Variants in RPA1 observed in about 807,000 individuals in gnomAD.
RPA1 encodes the protein replication protein A 70 kDa DNA-binding subunit.
A neutral mutation model predicts 83.0 loss-of-function variants in RPA1; 49 were observed. That is an observed-to-expected ratio of 0.59 (90% confidence interval 0.47 to 0.75). RPA1 has a LOEUF of 0.75. Ranked by LOEUF, RPA1 falls within the 30% of genes least tolerant of loss-of-function variation. RPA1 has a pLI of 0.00. For missense variants in RPA1, 693 were observed against 776.1 expected (o/e 0.89, Z 1.27); for synonymous variants, 279 against 281.8 (o/e 0.99, Z 0.10).
intron 5 of RPA1, among the ~76,000 whole-genome samples, 199 bp downstream of exon 5, chr17:1,853,388 A>G (rs1447640100): frequency 1.3e-5 from 2 of 152,226 alleles, no homozygotes; most frequent in South Asian, 2.1e-4. Context: ...TTAGAAAGCA[A>G]TGGACAAACG....
intron 4 of RPA1, among the ~76,000 whole-genome samples, chr17:1,847,686 T>C (rs984263583): frequency 1.3e-5 from 2 of 152,154 alleles, no homozygotes; most frequent in Non-Finnish European, 2.9e-5. Flanking sequence ...TCAACGGACA[T>C]CTGTGGAAAG....
intron 5 of RPA1, among the ~76,000 whole-genome samples, chr17:1,853,950 G>A (rs898886714): frequency 1.3e-5 from 2 of 152,178 alleles, no homozygotes; most frequent in Non-Finnish European, 2.9e-5. Flanking sequence ...TAGAGATCAT[G>A]TTTGTTCTAG....
intron 4 of RPA1, among the ~76,000 whole-genome samples, chr17:1,849,756 G>A (rs11078671): frequency 4.6e-5 from 7 of 151,688 alleles, no homozygotes; most frequent in South Asian, 2.1e-4. Flanking sequence ...GTGGAAAAAC[G>A]CGCAGTTTAC....
chr17:1,879,125 G>C, intron 9 of RPA1, 64 bp downstream of exon 9: 1 of 1,611,140 alleles, frequency 6.2e-7, no homozygotes, highest in Non-Finnish European at 8.5e-7. Flanking sequence ...AAAAGACGCT[G>C]GCCCAGGGGA....
intron 5 of RPA1, 147 bp from the exon 6 acceptor site, chr17:1,872,287 T>C (rs1913401536): frequency 8.1e-7 from 1 of 1,241,306 alleles, no homozygotes; most frequent in African/African-American, 1.5e-5. Flanking sequence ...CCGAGTGCCA[T>C]GGAATGCCTC....
chr17:1,878,605 A>G lies in RPA1; in HGVS notation c.691-388A>G, dbSNP rs117716819. Among the ~76,000 whole-genome samples the G allele has an allele frequency of 3.5e-4, 53 of 152,300 alleles. No individual in the cohort carries two copies. The East Asian group carries it at 0.01, about 29-fold the overall frequency. On this transcript the variant is annotated intron_variant, in intron 8 of 16. Coordinates refer to ENST00000254719, the MANE Select transcript of RPA1 (RefSeq NM_002945.5). The stretch of plus-strand genomic sequence containing the variant: ...AGGGCACTGTGGAGGGAGCCGGTGA[A>G]TCACCCCGTGGCAGCACCTTCCTCG...
intron 15 of RPA1, among the ~76,000 whole-genome samples, chr17:1,894,778 C>T (rs1166867335): frequency 6.6e-6 from 1 of 152,140 alleles, no homozygotes; most frequent in Admixed American, 6.5e-5. Flanking sequence ...CCCTCTTCTC[C>T]CTGGCCCTGA....
intron 4 of RPA1, among the ~76,000 whole-genome samples, chr17:1,851,774 G>C (rs906597814): frequency 6.6e-5 from 10 of 152,162 alleles, no homozygotes; most frequent in African/African-American, 2.4e-4. Flanking sequence ...AGTTATTACA[G>C]GGAATCTAGA....
At chr17:1,852,533 CCAGAGGG>C (rs755705681) in intron 4 of RPA1, among the ~76,000 whole-genome samples, 15 of 152,080 alleles carry the variant, frequency 9.9e-5, no homozygotes, top group Admixed American at 3.9e-4. Flanking sequence ...AACAGGAAGG[CCAGAGGG>C]CAGAGGGCAG....
chr17:1,847,147 T>C (rs1050232796), intron 4 of RPA1, among the ~76,000 whole-genome samples: 24 of 152,222 alleles, frequency 1.6e-4, no homozygotes, highest in African/African-American at 5.5e-4. Context: ...TTGTGTATTG[T>C]ATTGTTGCTT....
In RPA1 at chr17:1,872,438, C is replaced by G. The variant is rs543889382; in HGVS notation, c.366C>G (p.Leu122=). 1 of 1,613,740 alleles carries G rather than the reference C, an allele frequency of 6.2e-7. No individual in the cohort carries two copies. The highest frequency in any genetic ancestry group is 1.7e-5 in the Admixed American group (1 of 59,978). The change falls in exon 6 of 17, where the codon CTC becomes CTG. Residue 122 remains leucine (L), a synonymous_variant. Coordinates refer to ENST00000254719, the MANE Select transcript of RPA1 (RefSeq NM_002945.5). ...GGTTTCCCTTTTGATCTTCAGGACT[C>G]GGGCAGCCGCAAGTAGCTCCTCCAG... ...IGNPVPYNEG[L]GQPQVAPPAP...
intron 1 of RPA1, 125 bp downstream of exon 1, chr17:1,830,251 G>T: frequency 1.5e-6 from 1 of 660,474 alleles, no homozygotes; most frequent in Non-Finnish European, 2.1e-6. Context: ...AGATGGCGGG[G>T]GGCGGTGGGG....
At position 1,830,068 on chromosome 17, in the gene RPA1, C is replaced by T. The variant is rs1387855267; in HGVS notation, c.-26C>T. ...GGGAAGCTGGAGCTGTTGCGGGGTC[C>T]GCGGGGAAGTCTTGGCGGTGGAGCC... On this transcript the variant is annotated 5_prime_UTR_variant, in exon 1 of 17. Transcript: ENST00000254719. The T allele has an allele frequency of 7.2e-6, 9 of 1,249,226 alleles. No homozygotes were observed. Among genetic ancestry groups the T allele is most frequent in the Middle Eastern group, 2.1e-4 (1 of 4,794 alleles). The allele number at this position is 1,249,226 out of a possible 1,614,324, so 77.4% of individuals were successfully genotyped here. A position where few individuals can be genotyped will look rare whatever the true frequency, so the allele number is the denominator to read the frequency against.
Position 1,853,007 on chromosome 17 carries a change from C to T in RPA1, c.273-94C>T. The T allele has an allele frequency of 4.4e-6, 4 of 902,818 alleles. No homozygotes were observed. In the South Asian group the frequency reaches 5.7e-5, roughly 13 times the overall value. The allele number at this position is 902,818 out of a possible 1,614,324, so 55.9% of individuals were successfully genotyped here. A position where few individuals can be genotyped will look rare whatever the true frequency, so the allele number is the denominator to read the frequency against. ...AACAGATGACAAATGGAAAATAGTT[C>T]ATCACAATGATCATCGGGGAAAGCA... On this transcript the variant is annotated intron_variant, in intron 4 of 16. Coordinates refer to ENST00000254719, the MANE Select transcript of RPA1 (RefSeq NM_002945.5).
intron 5 of RPA1, among the ~76,000 whole-genome samples, chr17:1,866,783 A>T (rs1913192949): frequency 6.6e-6 from 1 of 152,212 alleles, no homozygotes; most frequent in Non-Finnish European, 1.5e-5. Context: ...TTTACACTGA[A>T]ATTATTCATG....
intron 1 of RPA1, among the ~76,000 whole-genome samples, chr17:1,840,724 G>A (rs938682995): frequency 8.5e-5 from 13 of 152,102 alleles, no homozygotes; most frequent in African/African-American, 7.2e-5. Context: ...GGTAGTTTTC[G>A]GTGTGCAGTT....
intron 13 of RPA1, among the ~76,000 whole-genome samples, chr17:1,887,277 G>A (rs751918511): frequency 6.6e-6 from 1 of 152,112 alleles, no homozygotes; most frequent in Non-Finnish European, 1.5e-5. Flanking sequence ...ATCACTGTAG[G>A]CCAGGCGCGG....
chr17:1,851,561 G>T (rs1281747906), intron 4 of RPA1, among the ~76,000 whole-genome samples: 2 of 152,130 alleles, frequency 1.3e-5, no homozygotes, highest in South Asian at 2.1e-4. Context: ...TTAATATGCT[G>T]CTAGGTTCAT....
Position 1,897,056 on chromosome 17 carries a change from T to A in RPA1, c.1747-15T>A, listed in dbSNP as rs201331041. ...ACACTTTCACTGCTCACAAACTACT[T>A]CTCCCTTTTTGAAGGACGAGTCTCG... On this transcript the variant is annotated splice_polypyrimidine_tract_variant and intron_variant, in intron 16 of 16. Transcript: ENST00000254719. The A allele has an allele frequency of 1.4e-5, 22 of 1,556,702 alleles. 1 individual carries two copies. The East Asian group carries it at 1.7e-4, about 12-fold the overall frequency.
Sources: allele counts gnomAD v4.1 joint callset (sites outside exome capture counted in the v4.1 genomes callset), GRCh38; gene constraint gnomAD v4.1.1; transcripts MANE v1.5; gene names NCBI Gene and HGNC (gene_info 2026-07-23, HGNC 2026-07-21).